The following GNA12 variants were observed in gnomAD, a reference collection of about 807,000 sequenced individuals.
GNA12 encodes G protein subunit alpha 12.
Under a neutral mutation model 26.0 loss-of-function variants are expected in GNA12, and 9 were observed. The observed-to-expected ratio is 0.35, with a 90% CI of 0.21 to 0.60. The LOEUF (loss-of-function observed/expected upper bound fraction) is 0.60. GNA12 is among the 20% of genes least tolerant of loss of function. The probability of loss-of-function intolerance (pLI) is 0.78; values close to 1 mark genes in which losing one functional copy is unlikely to be tolerated. For synonymous variants in GNA12, 264 were observed against 219.6 expected, an observed-to-expected ratio of 1.20 and a Z score of -1.79; for missense variants, 405 against 525.8, an observed-to-expected ratio of 0.77 and a Z score of 2.25.
At chr7:2,758,621 G>C (rs208347) in intron 2 of GNA12, among the ~76,000 whole-genome samples, 141,242 of 152,144 alleles carry the variant, frequency 0.93, 65,673 homozygotes, top group East Asian at 1. Flanking sequence ...AGGAACCTGG[G>C]GGAACCCCTG....
intron 2 of GNA12, among the ~76,000 whole-genome samples, chr7:2,776,375 C>T (rs1792076642): frequency 6.6e-6 from 1 of 152,210 alleles, no homozygotes; most frequent in African/African-American, 2.4e-5. Context: ...CCGTCATTTC[C>T]TCAGACCAGG....
chr7:2,752,144 A>T (rs1205779801), intron 2 of GNA12, among the ~76,000 whole-genome samples: 1 of 152,222 alleles, frequency 6.6e-6, no homozygotes, highest in African/African-American at 2.4e-5. Context: ...TGTCAATAGA[A>T]GACAGCCACT....
At chr7:2,795,283 GGTTT>G (rs1200776504) in intron 1 of GNA12, 140 bp from the exon 2 acceptor site, 13 of 672,630 alleles carry the variant, frequency 1.9e-5, no homozygotes, top group Middle Eastern at 3.1e-4. Flanking sequence ...TCTGTCTCTT[GGTTT>G]GTTTGTTGTG....
chr7:2,803,309 G>T (rs963429079), intron 1 of GNA12, among the ~76,000 whole-genome samples: 1 of 152,204 alleles, frequency 6.6e-6, no homozygotes, highest in African/African-American at 2.4e-5. Context: ...GGAGAGCTAA[G>T]AAGTCTGTGT....
intron 2 of GNA12, among the ~76,000 whole-genome samples, chr7:2,737,263 AGTTTTGTTTTGTTTTTTTTTTTTTT>A (rs534975228): frequency 0.018 from 1,424 of 79,560 alleles, 26 homozygotes; most frequent in Middle Eastern, 0.11. Context: ...GCTATCTCAC[AGTTTTGTTTTGTTTTTTTTTTTTTT>A]GTTTTTTTTT....
intron 1 of GNA12, among the ~76,000 whole-genome samples, chr7:2,801,061 T>C (rs1252980653): frequency 2.0e-5 from 3 of 152,058 alleles, no homozygotes; most frequent in Non-Finnish European, 4.4e-5. Flanking sequence ...TCGGTGCCTT[T>C]GTACAAATCA....
Position 2,752,234 on chromosome 7 carries a change from T to A in GNA12, c.526-18733A>T, listed in dbSNP as rs77770758. Among the ~76,000 whole-genome samples, 1,405 of 152,182 alleles carry A rather than the reference T, an allele frequency of 9.2e-3. 17 individuals are homozygous for A. Among genetic ancestry groups the A allele is most frequent in the African/African-American group, 0.032 (1,328 of 41,512 alleles). ...AAAGCATGTGAAAAAATTCAACACA[T>A]GCTCAGGGCTTAAAAAAAAAGTCCT... On this transcript the variant is annotated intron_variant, in intron 2 of 3. Transcript: ENST00000275364.
At chr7:2,812,341 C>T (rs879371083) in intron 1 of GNA12, among the ~76,000 whole-genome samples, 5 of 152,164 alleles carry the variant, frequency 3.3e-5, no homozygotes, top group Admixed American at 3.3e-4. Context: ...AAATCAGAGG[C>T]TTTGTAGGCT....
chr7:2,842,118 A>C (rs1473853090), intron 1 of GNA12, among the ~76,000 whole-genome samples: 6 of 148,398 alleles, frequency 4.0e-5, no homozygotes, highest in Non-Finnish European at 7.4e-5. Flanking sequence ...AAGGGAAGGG[A>C]GGAAGAAAAG....
At chr7:2,820,401 C>G (rs532407590) in intron 1 of GNA12, among the ~76,000 whole-genome samples, 1 of 126,370 alleles carries the variant, frequency 7.9e-6, no homozygotes, top group East Asian at 2.3e-4. Flanking sequence ...CTCAATAAAG[C>G]TTTTTTTTTT....
chr7:2,799,886 G>A (rs1208197485), intron 1 of GNA12, among the ~76,000 whole-genome samples: 7 of 152,166 alleles, frequency 4.6e-5, no homozygotes, highest in Non-Finnish European at 1.0e-4. Context: ...AACACCAAGC[G>A]GAGGTGAGGA....
chr7:2,762,808 G>A (rs138085770), intron 2 of GNA12: 107 of 1,529,922 alleles, frequency 7.0e-5, no homozygotes, highest in Middle Eastern at 3.4e-4. Context: ...CACTCAGGGC[G>A]GCCTCCCATC....
chr7:2,840,490 A>G (rs572560943), intron 1 of GNA12, among the ~76,000 whole-genome samples: 1 of 152,352 alleles, frequency 6.6e-6, no homozygotes, highest in African/African-American at 2.4e-5. Flanking sequence ...AACCCTCTAT[A>G]TAGCCACAAG....
intron 1 of GNA12, among the ~76,000 whole-genome samples, chr7:2,819,266 G>GAATGAAC (rs1370874510): frequency 6.6e-6 from 1 of 152,204 alleles, no homozygotes; most frequent in East Asian, 1.9e-4. Flanking sequence ...GCCACAACCT[G>GAATGAAC]AATGAACTTG....
intron 2 of GNA12, among the ~76,000 whole-genome samples, chr7:2,759,276 T>C (rs1213998322): frequency 2.6e-5 from 4 of 152,170 alleles, no homozygotes; most frequent in Admixed American, 6.5e-5. Flanking sequence ...CTTATTTACA[T>C]GAAGTTAAAA....
chr7:2,826,757 G>A (rs967360850), intron 1 of GNA12, among the ~76,000 whole-genome samples: 3 of 152,168 alleles, frequency 2.0e-5, no homozygotes, highest in South Asian at 2.1e-4. Flanking sequence ...GACAGTAAAC[G>A]CTCAGAGGCT....
chr7:2,836,795 G>A (rs1170877179), intron 1 of GNA12, among the ~76,000 whole-genome samples: 2 of 152,074 alleles, frequency 1.3e-5, no homozygotes, highest in Non-Finnish European at 2.9e-5. Flanking sequence ...ATGGTGGTGC[G>A]TGCCTGTAGT....
At chr7:2,784,169 G>A (rs1425089298) in intron 2 of GNA12, among the ~76,000 whole-genome samples, 1 of 151,936 alleles carries the variant, frequency 6.6e-6, no homozygotes, top group Non-Finnish European at 1.5e-5. Context: ...TGAGGCTGAG[G>A]TGCAATGGTG....
chr7:2,814,153 A>C (rs1793157801), intron 1 of GNA12, among the ~76,000 whole-genome samples: 1 of 152,218 alleles, frequency 6.6e-6, no homozygotes, highest in Middle Eastern at 3.4e-3. Context: ...TGCCACACAG[A>C]ACATGGGACT....
Sources: gnomAD v4.1 joint callset for allele counts (sites outside exome capture counted in the v4.1 genomes callset) on GRCh38, gnomAD v4.1.1 for gene constraint, MANE v1.5 for transcripts, NCBI Gene and HGNC (gene_info 2026-07-23, HGNC 2026-07-21) for gene names.